Variants in FAM151A observed in about 807,000 individuals in gnomAD.
FAM151A encodes protein FAM151A.
A neutral mutation model predicts 40.4 loss-of-function variants in FAM151A; 41 were observed. That is an observed-to-expected ratio of 1.01 (90% CI 0.79 to 1.32). FAM151A has a LOEUF of 1.32. FAM151A is among the 40% of genes most tolerant of loss of function. FAM151A has a pLI of 0.00. For missense variants in FAM151A, 740 were observed against 740.4 expected (o/e 1.00, Z 0.01); for synonymous variants, 337 against 312.5 (o/e 1.08, Z -0.83).
At chr1:54,618,006 C>A (rs1644192875) in intron 2 of FAM151A, among the ~76,000 whole-genome samples, 1 of 152,138 alleles carries the variant, frequency 6.6e-6, no homozygotes, top group African/African-American at 2.4e-5. Flanking sequence ...GAATTACAGG[C>A]ATGAGCCACC....
chr1:54,611,204 C>T (rs1033991895), intron 6 of FAM151A, among the ~76,000 whole-genome samples: 4 of 152,076 alleles, frequency 2.6e-5, no homozygotes, highest in Non-Finnish European at 4.4e-5. Flanking sequence ...GAGGCCAAGG[C>T]GGGCGGATCA....
At chr1:54,617,227 A>G (rs925914446) in intron 2 of FAM151A, among the ~76,000 whole-genome samples, 2 of 152,158 alleles carry the variant, frequency 1.3e-5, no homozygotes, top group African/African-American at 4.8e-5. Context: ...AGCTGTCTCT[A>G]GATAATCATG....
At chr1:54,620,328 C>T (rs1328928865) in intron 1 of FAM151A, among the ~76,000 whole-genome samples, 1 of 152,214 alleles carries the variant, frequency 6.6e-6, no homozygotes, top group Non-Finnish European at 1.5e-5. Context: ...AGAGAGAAAG[C>T]AAAGGCTTGG....
At position 54,612,602 on chromosome 1, in the gene FAM151A, C is replaced by T. The variant is rs1261155913; in HGVS notation, c.684G>A (p.Val228=). 2.5e-6 allele frequency: 4 copies of T among 1,613,986 alleles called. No individual in the cohort carries two copies. In the South Asian group the frequency reaches 3.3e-5, roughly 13 times the overall value. Residue 228 remains valine (V), a synonymous_variant, in exon 5 of 8, where the codon GTG becomes GTA. Transcript: ENST00000302250. ...SPNRTYTQAM[V]EKMHELVGGV... Reference sequence around the variant, plus strand: ...CTCCCACCAGCTCGTGCATCTTCTCCACCATGGCTTGGGTGTACGTCCTGT... The same window carrying T: ...CTCCCACCAGCTCGTGCATCTTCTCTACCATGGCTTGGGTGTACGTCCTGT...
chr1:54,609,467 CTG>C lies in FAM151A; in HGVS notation c.1557_1558del (p.His519GlnfsTer40), dbSNP rs1644084666. On this transcript the variant is annotated frameshift_variant, in exon 8 of 8. Coordinates refer to ENST00000302250, the MANE Select transcript of FAM151A (RefSeq NM_176782.3). LOFTEE classifies it low-confidence loss of function (END_TRUNC). Reference sequence around the variant, plus strand: ...CAGCCTGCCTATGGCTCCAGCTGTGCTGTGGCCCAGCAGCATGGCCTGCATCT... The same window carrying C: ...CAGCCTGCCTATGGCTCCAGCTGTGCTGGCCCAGCAGCATGGCCTGCATCT... The C allele has an allele frequency of 6.2e-7, 1 of 1,613,546 alleles. No individual in the cohort carries two copies. Among genetic ancestry groups the C allele is most frequent in the Non-Finnish European group, 8.5e-7 (1 of 1,180,028 alleles).
chr1:54,617,709 ATTTTTT>A (rs56229276), intron 2 of FAM151A, among the ~76,000 whole-genome samples: 9 of 55,762 alleles, frequency 1.6e-4, no homozygotes, highest in African/African-American at 4.4e-4. Context: ...AGGGCCTGAG[ATTTTTT>A]TTTTTTTTTT....
chr1:54,611,650 T>C lies in FAM151A; in HGVS notation c.896A>G (p.Tyr299Cys), dbSNP rs752824778. ...TGACAGGAGAGGCTCAAAGATGTCA[T>C]AGTAGACTTGGTGGACAGCAGTGTT... ...RDNTAVHQVY[Y>C]DIFEPLLSQF... Residue 299 changes from tyrosine to cysteine, a missense_variant, in exon 6 of 8, where the codon TAT becomes TGT. Transcript: ENST00000302250. The C allele has an allele frequency of 3.1e-6, 5 of 1,613,856 alleles. No homozygotes were observed. The African/African-American group carries it at 4.0e-5, about 13-fold the overall frequency.
At chr1:54,623,176 T>TAA (rs113750458) in intron 1 of FAM151A, 102 bp downstream of exon 1, 483 of 655,070 alleles carry the variant, frequency 7.4e-4, no homozygotes, top group East Asian at 1.8e-3. Flanking sequence ...AAACTCCGTC[T>TAA]AAAAAAAAAA....
In FAM151A at chr1:54,609,289, C is replaced by T; in HGVS notation, c.1737G>A (p.Leu579=). 1 of 1,607,072 alleles carries T rather than the reference C, an allele frequency of 6.2e-7. No homozygotes were observed. Among genetic ancestry groups the T allele is most frequent in the South Asian group, 1.1e-5 (1 of 90,570 alleles). ...GTGCTCAGTTTCTACCAACATGAGCCAGCAAGTCCTTGTGGTAGCCCTGGG... is the reference window on the plus strand; with the variant it reads ...GTGCTCAGTTTCTACCAACATGAGCTAGCAAGTCCTTGTGGTAGCCCTGGG... ...RLPQGYHKDL[L]AHVGRN Residue 579 remains leucine (L), a synonymous_variant, in exon 8 of 8, where the codon CTG becomes CTA. Transcript: ENST00000302250.
intron 6 of FAM151A, among the ~76,000 whole-genome samples, chr1:54,611,312 A>C (rs1338680167): frequency 6.6e-6 from 1 of 152,080 alleles, no homozygotes; most frequent in African/African-American, 2.4e-5. Context: ...GCGCAGGAGA[A>C]TCGCTTGAAC....
At chr1:54,610,744 A>C in intron 6 of FAM151A, 189 bp from the exon 7 acceptor site, 2 of 979,756 alleles carry the variant, frequency 2.0e-6, no homozygotes, top group Non-Finnish European at 2.4e-6. Flanking sequence ...TATAAGCAGT[A>C]AGCAAAGTTG....
At chr1:54,613,530 C>T (rs887913052) in intron 4 of FAM151A, among the ~76,000 whole-genome samples, 10 of 152,068 alleles carry the variant, frequency 6.6e-5, no homozygotes, top group Admixed American at 2.0e-4. Context: ...TCAAGGGATC[C>T]GCTCACCTTG....
Position 54,612,326 on chromosome 1 carries a change from A to C in FAM151A, c.800+160T>G, listed in dbSNP as rs550704532. Among the ~76,000 whole-genome samples, 4 of 151,884 alleles carry C rather than the reference A, an allele frequency of 2.6e-5. No individual in the cohort carries two copies. In the South Asian group the frequency reaches 8.3e-4, roughly 32 times the overall value. ...GGGAGGTAGTGAGTAGCCCGTCACC[A>C]GAGGTATGCAAGCAGAAAGCAGGGA... is the stretch of plus-strand genomic sequence containing the variant. On this transcript the variant is annotated intron_variant, in intron 5 of 7. Coordinates refer to ENST00000302250, the MANE Select transcript of FAM151A (RefSeq NM_176782.3).
chr1:54,621,035 C>T (rs1261939240), intron 1 of FAM151A, among the ~76,000 whole-genome samples: 1 of 151,516 alleles, frequency 6.6e-6, no homozygotes, highest in Non-Finnish European at 1.5e-5. Context: ...GTGGCATGCG[C>T]CTGTAATCCC....
rs1344418467 is a variant in FAM151A at position 54,616,114 on chromosome 1, C to T, written c.321G>A (p.Glu107=). The T allele has an allele frequency of 1.1e-5, 17 of 1,614,056 alleles. No individual in the cohort carries two copies. The East Asian group carries it at 1.6e-4, about 15-fold the overall frequency. Residue 107 remains glutamate (E), a synonymous_variant, in exon 3 of 8, where the codon GAG becomes GAA. Transcript: ENST00000302250. ...VNVEGLGTAN[E]TGVPIMAHPP... Reference sequence around the variant, plus strand: ...GGTGTGCCATGATGGGAACTCCTGTCTCATTGGCTGTGCCGAGCCCTTCTA... The same window carrying T: ...GGTGTGCCATGATGGGAACTCCTGTTTCATTGGCTGTGCCGAGCCCTTCTA...
chr1:54,614,910 A>G (rs761733116), intron 3 of FAM151A, 51 bp from the exon 4 acceptor site: 6 of 1,583,018 alleles, frequency 3.8e-6, no homozygotes, highest in Admixed American at 3.4e-5. Context: ...AACTAGGAAT[A>G]CATGACTCCC....
intron 3 of FAM151A, 105 bp from the exon 4 acceptor site, chr1:54,614,964 GCACA>G: frequency 8.5e-7 from 1 of 1,182,544 alleles, no homozygotes; most frequent in Non-Finnish European, 1.2e-6. Flanking sequence ...GCATGTGCGT[GCACA>G]GTGGAGTCAG....
intron 3 of FAM151A, 21 bp from the exon 4 acceptor site, chr1:54,614,880 G>A: frequency 1.2e-6 from 2 of 1,610,226 alleles, no homozygotes; most frequent in East Asian, 2.2e-5. Context: ...AGGAACAAGG[G>A]CTTGGGGAAA....
chr1:54,617,906 T>C (rs1413015344), intron 2 of FAM151A, among the ~76,000 whole-genome samples: 1 of 151,826 alleles, frequency 6.6e-6, no homozygotes, highest in African/African-American at 2.4e-5. Context: ...TTTGTACTTT[T>C]AGTGGAGATG....
Sources: gnomAD v4.1 joint callset for allele counts (sites outside exome capture counted in the v4.1 genomes callset) on GRCh38, gnomAD v4.1.1 for gene constraint, MANE v1.5 for transcripts, NCBI Gene and HGNC (gene_info 2026-07-23, HGNC 2026-07-21) for gene names.